The following FTCDNL1 variants were observed in gnomAD, a reference collection of about 807,000 sequenced individuals.
FTCDNL1 encodes formiminotransferase cyclodeaminase N-terminal like.
A neutral mutation model predicts 5.9 loss-of-function variants in FTCDNL1; 11 were observed. The ratio of observed to expected loss-of-function variants is 1.87; its 90% CI spans 1.18 to 3.10. The LOEUF (loss-of-function observed/expected upper bound fraction) is 3.10, where lower values mean the gene tolerates loss of function less well. FTCDNL1 is among the 30% of genes most tolerant of loss of function. The pLI, the probability that FTCDNL1 is intolerant of heterozygous loss-of-function variation, is 0.00. For missense variants in FTCDNL1, 115 were observed against 65.5 expected (o/e 1.76, Z -2.61); for synonymous variants, 58 against 24.8 (o/e 2.34, Z -3.99).
At chr2:199,787,177 CT>C (rs1699695769) in intron 3 of FTCDNL1, among the ~76,000 whole-genome samples, 1 of 150,348 alleles carries the variant, frequency 6.7e-6, no homozygotes, top group South Asian at 2.1e-4. Context: ...CCTTAATTTT[CT>C]TTTCTTTTCT....
chr2:199,770,096 C>G (rs770042440), intron 3 of FTCDNL1, among the ~76,000 whole-genome samples: 2 of 152,194 alleles, frequency 1.3e-5, no homozygotes, highest in Non-Finnish European at 2.9e-5. Flanking sequence ...CAGGCCTCTT[C>G]TTCATCTCAG....
At chr2:199,695,568 A>G in the FTCDNL1 span, among the ~76,000 whole-genome samples, 1 of 151,376 alleles carries the variant, frequency 6.6e-6, no homozygotes, top group African/African-American at 2.5e-5. Context: ...GAAGCTGGGA[A>G]CCCTGCATGT....
In FTCDNL1 at chr2:199,799,131, A is replaced by G. The variant is rs566546072; in HGVS notation, c.212-38296T>C. Among the ~76,000 whole-genome samples the G allele has an allele frequency of 2.0e-5, 3 of 152,292 alleles. No individual in the cohort carries two copies. In the South Asian group the frequency reaches 6.2e-4, roughly 32 times the overall value. ...GCCCCTTTCCAATGGCAGTGCCCTC[A>G]TGTGCTACGCTGAAAATAAAACAAA... On this transcript the variant is annotated intron_variant, in intron 3 of 3. Transcript: ENST00000416668.
intron 3 of FTCDNL1, among the ~76,000 whole-genome samples, chr2:199,840,636 T>C (rs928927478): frequency 6.6e-6 from 1 of 152,058 alleles, no homozygotes; most frequent in Non-Finnish European, 1.5e-5. Context: ...ATCAATAAGG[T>C]AAAAGAGTAG....
the FTCDNL1 span, among the ~76,000 whole-genome samples, chr2:199,673,377 G>C: frequency 6.9e-6 from 1 of 145,282 alleles, no homozygotes; most frequent in Non-Finnish European, 1.5e-5. Flanking sequence ...GCTAAAAGTA[G>C]TTTCCATTGA....
At chr2:199,804,978 C>T (rs891251003), downstream of FTCDNL1, among the ~76,000 whole-genome samples, 19 of 152,190 alleles carry the variant, frequency 1.2e-4, no homozygotes, top group African/African-American at 4.1e-4. Flanking sequence ...AAAGGAGAGG[C>T]CCTGCAGAGC....
chr2:199,689,165 A>C, the FTCDNL1 span, among the ~76,000 whole-genome samples: 1 of 152,234 alleles, frequency 6.6e-6, no homozygotes, highest in African/African-American at 2.4e-5. Flanking sequence ...TTGATATGAC[A>C]ATGTTCAAAA....
chr2:199,695,015 T>C, the FTCDNL1 span, among the ~76,000 whole-genome samples: 1 of 152,152 alleles, frequency 6.6e-6, no homozygotes, highest in African/African-American at 2.4e-5. Flanking sequence ...GATTAGTGAC[T>C]ACCCAGGAAA....
intron 3 of FTCDNL1, chr2:199,760,918 C>G: frequency 1.4e-6 from 1 of 696,948 alleles, no homozygotes; most frequent in Non-Finnish European, 2.6e-6. Flanking sequence ...ACCCCCATTC[C>G]TTTCCTTGCT....
chr2:199,750,093 T>C, the FTCDNL1 span, among the ~76,000 whole-genome samples: 2 of 151,484 alleles, frequency 1.3e-5, no homozygotes, highest in African/African-American at 4.8e-5. Context: ...GTGGCTCACA[T>C]CTGTGATCCC....
At chr2:199,711,611 A>G in the FTCDNL1 span, among the ~76,000 whole-genome samples, 2 of 152,142 alleles carry the variant, frequency 1.3e-5, no homozygotes, top group South Asian at 2.1e-4. Flanking sequence ...TGATTTACCA[A>G]CTGGTCTGTA....
chr2:199,740,157 G>A, the FTCDNL1 span, among the ~76,000 whole-genome samples: 4 of 152,150 alleles, frequency 2.6e-5, no homozygotes, highest in Non-Finnish European at 4.4e-5. Flanking sequence ...CTATTGCATG[G>A]AAAAACAACT....
the FTCDNL1 span, among the ~76,000 whole-genome samples, chr2:199,724,774 G>C: frequency 1.3e-5 from 2 of 151,714 alleles, no homozygotes; most frequent in Non-Finnish European, 1.5e-5. Context: ...CAGTTCTTTT[G>C]CATTTGCTGA....
chr2:199,782,694 G>A (rs536347837), intron 3 of FTCDNL1, among the ~76,000 whole-genome samples: 3 of 152,292 alleles, frequency 2.0e-5, no homozygotes, highest in Non-Finnish European at 2.9e-5. Context: ...CTCCTAAGAG[G>A]GGGCCATGTT....
chr2:199,769,559 A>G (rs1698709291), intron 3 of FTCDNL1, among the ~76,000 whole-genome samples: 1 of 152,218 alleles, frequency 6.6e-6, no homozygotes, highest in Admixed American at 6.5e-5. Flanking sequence ...TGTCTTTAGT[A>G]GCAGTGTGAG....
intron 2 of FTCDNL1, among the ~76,000 whole-genome samples, chr2:199,848,390 C>T (rs1184762927): frequency 1.3e-5 from 2 of 152,166 alleles, no homozygotes; most frequent in Admixed American, 6.5e-5. Flanking sequence ...ATTGCATGGG[C>T]TTTGCTGGCA....
chr2:199,839,036 A>G (rs921663105), intron 3 of FTCDNL1, among the ~76,000 whole-genome samples: 2 of 152,056 alleles, frequency 1.3e-5, no homozygotes, highest in African/African-American at 4.8e-5. Flanking sequence ...CAAAGAAATG[A>G]CCCAGCCATG....
the FTCDNL1 span, among the ~76,000 whole-genome samples, chr2:199,708,067 A>G: frequency 1.3e-5 from 2 of 151,714 alleles, no homozygotes; most frequent in African/African-American, 4.8e-5. Context: ...TTTATGTTAG[A>G]TTGTTTAATA....
chr2:199,838,253 A>G (rs1273265366), intron 3 of FTCDNL1, among the ~76,000 whole-genome samples: 2 of 152,234 alleles, frequency 1.3e-5, no homozygotes, highest in Admixed American at 1.3e-4. Context: ...AATACTGAGT[A>G]GAAGTCAGAC....
Sources: allele counts gnomAD v4.1 joint callset (sites outside exome capture counted in the v4.1 genomes callset), GRCh38; gene constraint gnomAD v4.1.1; transcripts MANE v1.5; gene names NCBI Gene and HGNC (gene_info 2026-07-23, HGNC 2026-07-21).